Variants in SGCD observed in about 807,000 individuals in gnomAD.
SGCD encodes delta-sarcoglycan.
In SGCD, 18 loss-of-function variants were observed where a neutral mutation model predicts 36.6. That is an observed-to-expected ratio of 0.49 (90% confidence interval 0.34 to 0.73). SGCD has a LOEUF of 0.73. SGCD is among the 30% of genes least tolerant of loss of function. SGCD has a pLI of 0.01. For missense variants in SGCD, 387 were observed against 346.7 expected, an observed-to-expected ratio of 1.12 and a Z score of -0.92; for synonymous variants, 133 against 130.6, an observed-to-expected ratio of 1.02 and a Z score of -0.12.
At chr5:155,920,536 A>G (rs546870673) in intron 1 of SGCD, among the ~76,000 whole-genome samples, 1 of 152,308 alleles carries the variant, frequency 6.6e-6, no homozygotes, top group South Asian at 2.1e-4. Flanking sequence ...CCTATAGAAA[A>G]GTGAGGAAGG....
the SGCD span, among the ~76,000 whole-genome samples, chr5:155,742,610 T>C: frequency 6.6e-6 from 1 of 152,218 alleles, no homozygotes; most frequent in African/African-American, 2.4e-5. Flanking sequence ...AGCCTCAACG[T>C]AGATTACCTT....
intron 1 of SGCD, among the ~76,000 whole-genome samples, chr5:155,871,497 G>T (rs1755654492): frequency 6.6e-6 from 1 of 152,178 alleles, no homozygotes; most frequent in South Asian, 2.1e-4. Flanking sequence ...CCTGGATAGG[G>T]ATTTCTGTCT....
intron 3 of SGCD, among the ~76,000 whole-genome samples, chr5:156,195,254 C>T (rs1763994575): frequency 6.6e-6 from 1 of 152,178 alleles, no homozygotes; most frequent in Admixed American, 6.6e-5. Context: ...ATTTATTAGT[C>T]TTACAGTGTG....
intron 3 of SGCD, among the ~76,000 whole-genome samples, chr5:156,266,926 A>T (rs10060287): frequency 0.31 from 47,145 of 151,946 alleles, 7,987 homozygotes; most frequent in African/African-American, 0.44. Flanking sequence ...GGACGCTTTG[A>T]AAAATTGAAA....
chr5:155,771,718 C>T, the SGCD span, among the ~76,000 whole-genome samples: 4 of 151,956 alleles, frequency 2.6e-5, no homozygotes, highest in African/African-American at 4.8e-5. Flanking sequence ...CCACTGCACC[C>T]GGCCTTAATT....
Position 156,478,702 on chromosome 5 carries a change from T to C in SGCD, c.193-29899T>C, listed in dbSNP as rs1291449839. 2.0e-5 allele frequency among the ~76,000 whole-genome samples: 3 copies of C among 152,316 alleles called. No individual in the cohort carries two copies. The East Asian group carries it at 5.8e-4, about 29-fold the overall frequency. On this transcript the variant is annotated intron_variant, in intron 3 of 8. Transcript: ENST00000337851. The stretch of plus-strand genomic sequence containing the variant: ...TTCAAGCAATTCTCCTGCCTCAGCC[T>C]CCTGAGTGGCTGGGATTACAGGTGT...
the SGCD span, among the ~76,000 whole-genome samples, chr5:155,796,967 C>T: frequency 5.3e-5 from 8 of 151,716 alleles, no homozygotes; most frequent in Non-Finnish European, 1.0e-4. Context: ...AAAAAATCAA[C>T]AGAACCAGAA....
chr5:155,892,602 A>G (rs1438948139), intron 1 of SGCD, among the ~76,000 whole-genome samples: 1 of 152,068 alleles, frequency 6.6e-6, no homozygotes, highest in Non-Finnish European at 1.5e-5. Context: ...ATAGTACTTC[A>G]TCATCTGATT....
rs751969124 is a variant in SGCD at position 156,340,480 on chromosome 5, T to A, written c.4-4009T>A. Among the ~76,000 whole-genome samples, 82 of 152,202 alleles carry A rather than the reference T, an allele frequency of 5.4e-4. 1 individual carries two copies. Among genetic ancestry groups the A allele is most frequent in the Non-Finnish European group, 8.8e-5 (6 of 68,026 alleles). On this transcript the variant is annotated intron_variant, in intron 2 of 8. Transcript: ENST00000337851. The stretch of plus-strand genomic sequence containing the variant: ...AGAGCTAGCAGTAATGTACCTCTAC[T>A]GGGAAGTGCTGCAAACCATATAAAT...
chr5:156,049,361 G>A (rs1759858035), intron 1 of SGCD, among the ~76,000 whole-genome samples: 2 of 146,096 alleles, frequency 1.4e-5, no homozygotes, highest in African/African-American at 4.9e-5. Context: ...ATTCTGTGAA[G>A]AAAGTCATTG....
intron 2 of SGCD, among the ~76,000 whole-genome samples, chr5:156,119,160 G>A (rs914374683): frequency 7.2e-5 from 11 of 152,134 alleles, no homozygotes; most frequent in Non-Finnish European, 1.2e-4. Context: ...TCTCAGCAGA[G>A]ACTGAGCTGG....
intron 3 of SGCD, among the ~76,000 whole-genome samples, chr5:156,373,307 A>G (rs1770487871): frequency 6.6e-6 from 1 of 152,142 alleles, no homozygotes; most frequent in Non-Finnish European, 1.5e-5. Flanking sequence ...GAAAAACAGG[A>G]TCTCATATTT....
chr5:156,060,899 G>A (rs1374407169), intron 1 of SGCD, among the ~76,000 whole-genome samples: 1 of 144,974 alleles, frequency 6.9e-6, no homozygotes, highest in Non-Finnish European at 1.6e-5. Context: ...CCATAAGAAA[G>A]GGCCACCCAG....
intron 3 of SGCD, among the ~76,000 whole-genome samples, chr5:156,171,757 C>T (rs1350055662): frequency 1.3e-5 from 2 of 152,022 alleles, no homozygotes; most frequent in Non-Finnish European, 2.9e-5. Context: ...GGGGATGATA[C>T]TGAGGGGAAT....
chr5:156,057,414 G>A lies in SGCD; in HGVS notation c.-281-60464G>A, dbSNP rs1760089666. Among the ~76,000 whole-genome samples the A allele has an allele frequency of 2.0e-5, 3 of 146,484 alleles. No individual in the cohort carries two copies. In the South Asian group the frequency reaches 6.5e-4, roughly 32 times the overall value. On this transcript the variant is annotated intron_variant, in intron 1 of 9. Coordinates refer to the SGCD transcript ENST00000517913. ...GAGATGCAGAGTATTTTGTGTGTGA[G>A]AAATAAAAAACAGCTGTGATAGATG...
chr5:156,453,384 G>A (rs1754111806), intron 3 of SGCD, among the ~76,000 whole-genome samples: 1 of 152,130 alleles, frequency 6.6e-6, no homozygotes, highest in African/African-American at 2.4e-5. Context: ...ACCATCACAA[G>A]TATTCAATTA....
chr5:156,423,065 A>C (rs1249073553), intron 3 of SGCD, among the ~76,000 whole-genome samples: 1 of 148,576 alleles, frequency 6.7e-6, no homozygotes, highest in East Asian at 1.9e-4. Context: ...TTAGTCTTAC[A>C]AAGGCATATA....
intron 1 of SGCD, among the ~76,000 whole-genome samples, chr5:155,976,742 C>G (rs56398876): frequency 6.6e-6 from 1 of 152,012 alleles, no homozygotes; most frequent in East Asian, 1.9e-4. Flanking sequence ...TGAAAGGCAA[C>G]GGGTGTGTCC....
intron 2 of SGCD, among the ~76,000 whole-genome samples, chr5:156,340,695 C>T (rs1277879703): frequency 6.6e-6 from 1 of 151,962 alleles, no homozygotes; most frequent in Non-Finnish European, 1.5e-5. Context: ...TTTACTGGGG[C>T]CTCTCCTGGG....
Sources: allele counts gnomAD v4.1 joint callset (sites outside exome capture counted in the v4.1 genomes callset), GRCh38; gene constraint gnomAD v4.1.1; transcripts MANE v1.5; gene names NCBI Gene and HGNC (gene_info 2026-07-23, HGNC 2026-07-21).